Variants in GALNT13 observed in about 807,000 individuals in gnomAD.
GALNT13 encodes the protein polypeptide N-acetylgalactosaminyltransferase 13, also known as UDP-GalNAc:polypeptide N-acetylgalactosaminyltransferase 13.
A neutral mutation model predicts 64.2 loss-of-function variants in GALNT13; 28 were observed. The observed-to-expected ratio is 0.44, with a 90% CI of 0.32 to 0.60. The LOEUF is 0.60. Among genes scored for constraint, GALNT13 ranks in the 20% least tolerant of loss-of-function variants. The probability of loss-of-function intolerance (pLI) is 0.05; values close to 1 mark genes in which losing one functional copy is unlikely to be tolerated. For missense variants in GALNT13, 577 were observed against 669.8 expected (o/e 0.86, Z 1.53); for synonymous variants, 214 against 224.6 (o/e 0.95, Z 0.42).
chr2:153,802,273 A>G, the GALNT13 span, among the ~76,000 whole-genome samples: 67 of 152,348 alleles, frequency 4.4e-4, 1 homozygote, highest in South Asian at 0.014. Flanking sequence ...AGGAAATCAG[A>G]TGTAATCAGA....
At chr2:153,872,939 A>T (rs938269795) in intron 1 of GALNT13, among the ~76,000 whole-genome samples, 1 of 151,728 alleles carries the variant, frequency 6.6e-6, no homozygotes, top group African/African-American at 2.4e-5. Context: ...CCGGCCATGT[A>T]TCTGTTTTTT....
chr2:154,347,887 A>G (rs1207760677), intron 9 of GALNT13, among the ~76,000 whole-genome samples: 3 of 152,200 alleles, frequency 2.0e-5, no homozygotes, highest in Admixed American at 6.6e-5. Context: ...TTCCTTATCC[A>G]GGTTCAGTTG....
chr2:153,163,103 T>A, the GALNT13 span, among the ~76,000 whole-genome samples: 4 of 152,342 alleles, frequency 2.6e-5, no homozygotes, highest in African/African-American at 7.2e-5. Context: ...CCTCCACTCA[T>A]ACTGCCATGC....
At chr2:153,571,200 T>A in the GALNT13 span, among the ~76,000 whole-genome samples, 1 of 152,006 alleles carries the variant, frequency 6.6e-6, no homozygotes, top group Non-Finnish European at 1.5e-5. Context: ...TTTCTAGTAT[T>A]TAATTTTATG....
At chr2:153,454,975 G>A in the GALNT13 span, among the ~76,000 whole-genome samples, 1 of 152,158 alleles carries the variant, frequency 6.6e-6, no homozygotes, top group Middle Eastern at 3.2e-3. Context: ...TAGTATGGTT[G>A]CATTTATAAC....
the GALNT13 span, among the ~76,000 whole-genome samples, chr2:153,164,442 A>G: frequency 6.6e-6 from 1 of 152,236 alleles, no homozygotes; most frequent in East Asian, 1.9e-4. Flanking sequence ...ATGGTTGAGT[A>G]TACATCTTGG....
intron 3 of GALNT13, among the ~76,000 whole-genome samples, chr2:154,029,897 A>G (rs778271492): frequency 6.6e-6 from 1 of 152,196 alleles, no homozygotes; most frequent in East Asian, 1.9e-4. Context: ...ACTGAAAAAC[A>G]TAGCAACAAA....
chr2:153,453,366 T>G, the GALNT13 span, among the ~76,000 whole-genome samples: 2 of 152,140 alleles, frequency 1.3e-5, no homozygotes, highest in Non-Finnish European at 2.9e-5. Context: ...TTGCAAACTG[T>G]GCTTTCCATA....
chr2:154,296,980 C>T (rs981807022), intron 8 of GALNT13, among the ~76,000 whole-genome samples: 12 of 151,896 alleles, frequency 7.9e-5, no homozygotes, highest in African/African-American at 1.2e-4. Context: ...AATTGTATTC[C>T]GGGTACAGGG....
the GALNT13 span, among the ~76,000 whole-genome samples, chr2:153,444,847 G>A: frequency 2.0e-5 from 3 of 152,172 alleles, no homozygotes; most frequent in Non-Finnish European, 4.4e-5. Flanking sequence ...TGAAGGACAT[G>A]TTAGTTGTTC....
chr2:154,075,657 G>A (rs1490010439), intron 3 of GALNT13, among the ~76,000 whole-genome samples: 3 of 151,664 alleles, frequency 2.0e-5, no homozygotes, highest in Admixed American at 6.6e-5. Context: ...ATTAAAACTA[G>A]AACTATTAAA....
chr2:153,866,245 G>A, the GALNT13 span, among the ~76,000 whole-genome samples: 1 of 145,920 alleles, frequency 6.9e-6, no homozygotes, highest in Non-Finnish European at 1.5e-5. Context: ...GCACCAGCAC[G>A]GCACATGTAT....
At chr2:153,833,233 A>C in the GALNT13 span, among the ~76,000 whole-genome samples, 1 of 152,160 alleles carries the variant, frequency 6.6e-6, no homozygotes, top group African/African-American at 2.4e-5. Context: ...TTTACTTAAT[A>C]ATGTCACCAA....
chr2:153,204,557 C>T, the GALNT13 span, among the ~76,000 whole-genome samples: 5 of 152,160 alleles, frequency 3.3e-5, no homozygotes, highest in Admixed American at 3.3e-4. Context: ...CACACTGTAA[C>T]TAATAAATCC....
chr2:153,686,376 G>C, the GALNT13 span, among the ~76,000 whole-genome samples: 4 of 152,084 alleles, frequency 2.6e-5, no homozygotes, highest in Admixed American at 2.0e-4. Flanking sequence ...CTAGTTAGCT[G>C]TATTCCTAGG....
chr2:154,403,423 C>G (rs995068960), intron 10 of GALNT13, among the ~76,000 whole-genome samples: 4 of 151,736 alleles, frequency 2.6e-5, no homozygotes, highest in African/African-American at 9.7e-5. Context: ...ACTGCTGCAC[C>G]CCAGCCTGGG....
chr2:153,251,198 AT>A, the GALNT13 span, among the ~76,000 whole-genome samples: 1 of 152,170 alleles, frequency 6.6e-6, no homozygotes, highest in Non-Finnish European at 1.5e-5. Context: ...ATTTGTGTAA[AT>A]GTATTACTGG....
chr2:154,164,337 A>G (rs1319159281), intron 4 of GALNT13, among the ~76,000 whole-genome samples: 4 of 152,192 alleles, frequency 2.6e-5, no homozygotes, highest in South Asian at 2.1e-4. Context: ...TGAAATATCC[A>G]TAGATCATCT....
the GALNT13 span, among the ~76,000 whole-genome samples, chr2:153,511,641 C>A: frequency 6.6e-6 from 1 of 152,064 alleles, no homozygotes; most frequent in Admixed American, 6.5e-5. Context: ...TTTTCACTAG[C>A]CACAGTCAAA....
Sources: gnomAD v4.1 joint callset for allele counts (sites outside exome capture counted in the v4.1 genomes callset) on GRCh38, gnomAD v4.1.1 for gene constraint, MANE v1.5 for transcripts, NCBI Gene and HGNC (gene_info 2026-07-23, HGNC 2026-07-21) for gene names.